Variants in GIT2 observed in about 807,000 individuals in gnomAD.
GIT2 encodes the protein GIT ArfGAP 2.
A neutral mutation model predicts 100.3 loss-of-function variants in GIT2; 32 were observed. That is an observed-to-expected ratio of 0.32 (90% CI 0.24 to 0.43). The LOEUF is 0.43. GIT2 is among the 20% of genes least tolerant of loss of function. GIT2 has a pLI of 1.00. For synonymous variants in GIT2, 353 were observed against 364.1 expected, an observed-to-expected ratio of 0.97 and a Z score of 0.35; for missense variants, 737 against 975.1, an observed-to-expected ratio of 0.76 and a Z score of 3.25.
rs549976321 is a variant in GIT2 at position 109,955,356 on chromosome 12, G to A, written c.1100-2122C>T. Among the ~76,000 whole-genome samples the A allele has an allele frequency of 2.6e-5, 4 of 152,194 alleles. No individual in the cohort carries two copies. The East Asian group carries it at 7.7e-4, about 29-fold the overall frequency. On this transcript the variant is annotated intron_variant, in intron 12 of 19. Transcript: ENST00000355312. ...TTAGCCAGGAAGGTCTCGATCTTCT[G>A]ACCTCGTGATCTGCCCACCTCGGCC...
At chr12:109,983,525 T>G (rs753944624) in intron 5 of GIT2, 22 bp from the exon 6 acceptor site, 3 of 1,611,724 alleles carry the variant, frequency 1.9e-6, no homozygotes, top group Non-Finnish European at 2.5e-6. Flanking sequence ...TAATAAAAAG[T>G]AGGCAAAAGA....
chr12:109,993,159 A>G (rs1188803657), intron 1 of GIT2, among the ~76,000 whole-genome samples: 2 of 152,184 alleles, frequency 1.3e-5, no homozygotes, highest in Admixed American at 6.6e-5. Context: ...CCTTTGAAAC[A>G]AGGAATAATT....
intron 7 of GIT2, among the ~76,000 whole-genome samples, chr12:109,980,172 C>G (rs1304987331): frequency 2.0e-5 from 3 of 152,208 alleles, no homozygotes; most frequent in African/African-American, 4.8e-5. Context: ...TTCCTGGGCT[C>G]AAGTCCCAGT....
At chr12:109,936,336 A>G (rs549612823) in intron 18 of GIT2, among the ~76,000 whole-genome samples, 3 of 152,082 alleles carry the variant, frequency 2.0e-5, no homozygotes, top group East Asian at 1.9e-4. Flanking sequence ...AAGAAAGAAA[A>G]AAAAAAGAAA....
chr12:109,996,207 C>A lies in GIT2; in HGVS notation c.18G>T (p.Arg6=). 3.3e-6 allele frequency: 5 copies of A among 1,533,396 alleles called. No homozygotes were observed. Among genetic ancestry groups the A allele is most frequent in the Non-Finnish European group, 4.4e-6 (5 of 1,140,264 alleles). 95.0% of individuals were successfully genotyped at this position (1,533,396 alleles called of 1,614,324 possible). Residue 6 remains arginine, a synonymous_variant, in exon 1 of 20, where the codon CGG becomes CGT. Transcript: ENST00000355312. MSKRL[R]SSEVCADCSG... ...TGCAGTCAGCGCACACCTCGCTGCT[C>A]CGGAGCCGTTTCGACATGGCTCCCA...
Position 109,986,051 on chromosome 12 carries a change from G to T in GIT2, c.406-2357C>A, listed in dbSNP as rs147233315. ...CTGTCGTTTAGGCTGGAGTGCCGTG[G>T]CATGATCTCAGCTCACTGCAACCTT... On this transcript the variant is annotated intron_variant, in intron 4 of 19. Transcript: ENST00000355312. Among the ~76,000 whole-genome samples the T allele has an allele frequency of 1.4e-3, 206 of 151,466 alleles. 1 individual carries two copies. Among genetic ancestry groups the T allele is most frequent in the African/African-American group, 4.5e-3 (187 of 41,358 alleles).
In GIT2 at chr12:109,991,763, G is replaced by A. The variant is rs1317939299; in HGVS notation, c.53-3C>T. ...ATTTACTGATGCCCAGGAAGGATCT[G>A]GAAAGAGAGTGAAATCTCAGTGGCA... On this transcript the variant is annotated splice_polypyrimidine_tract_variant and splice_region_variant and intron_variant, in intron 1 of 19. Coordinates refer to ENST00000355312, the MANE Select transcript of GIT2 (RefSeq NM_057169.5). 2 of 1,609,982 alleles carry A rather than the reference G, an allele frequency of 1.2e-6. No individual in the cohort carries two copies. The highest frequency in any genetic ancestry group is 1.7e-6 in the Non-Finnish European group (2 of 1,177,920).
intron 13 of GIT2, among the ~76,000 whole-genome samples, chr12:109,951,868 T>C (rs532798422): frequency 1.4e-4 from 21 of 151,782 alleles, no homozygotes; most frequent in African/African-American, 4.6e-4. Flanking sequence ...TGTGAGTGGG[T>C]GAGAGGTGAG....
At position 109,932,913 on chromosome 12, in the gene GIT2, G is replaced by T. The variant is rs990149971; in HGVS notation, c.*65C>A. 9.0e-6 allele frequency: 8 copies of T among 884,406 alleles called. No homozygotes were observed. Among genetic ancestry groups the T allele is most frequent in the Non-Finnish European group, 1.5e-5 (8 of 520,646 alleles). 54.8% of individuals were successfully genotyped at this position (884,406 alleles called of 1,614,324 possible). A position where few individuals can be genotyped will look rare whatever the true frequency, so the allele number is the denominator to read the frequency against. ...TTTTTGTAGAAATCTGAAGAGTTCT[G>T]CGTCTGAATTTGAAATTGGACTTTA... is the stretch of plus-strand genomic sequence containing the variant. On this transcript the variant is annotated 3_prime_UTR_variant, in exon 20 of 20. Transcript: ENST00000355312.
intron 13 of GIT2, chr12:109,952,882 C>A (rs1878304634): frequency 5.1e-6 from 3 of 593,284 alleles, no homozygotes; most frequent in Non-Finnish European, 9.0e-6. Context: ...ATAAAACACA[C>A]CAATCACTCC....
chr12:109,933,122 T>C lies in GIT2; in HGVS notation c.2136A>G (p.Ser712=). 6.2e-7 allele frequency: 1 copy of C among 1,610,486 alleles called. No homozygotes were observed. The highest frequency in any genetic ancestry group is 8.5e-7 in the Non-Finnish European group (1 of 1,177,966). The change falls in exon 20 of 20, where the codon TCA becomes TCG. Residue 712 remains serine (S), a synonymous_variant. Coordinates refer to ENST00000355312, the MANE Select transcript of GIT2 (RefSeq NM_057169.5). This position sits in a 1 kb window ranked among gnomAD's most constrained non-coding sequence, Gnocchi z 4.5. ...LLTSSAYRLQ[S]ECKKTLPGDP... ...CCCCTGGGAGGGTCTTCTTGCACTC[T>C]GACTGCAGTCGGTAGGCACTGGACG...
chr12:109,952,940 A>G (rs769728296), intron 13 of GIT2, 152 bp downstream of exon 13: 2 of 675,784 alleles, frequency 3.0e-6, no homozygotes, highest in Non-Finnish European at 5.0e-6. Flanking sequence ...TGATGCAGGG[A>G]CAAGGATCCC....
chr12:109,972,530 G>A (rs575523401), intron 7 of GIT2, among the ~76,000 whole-genome samples: 7 of 151,434 alleles, frequency 4.6e-5, no homozygotes, highest in Admixed American at 6.6e-5. Context: ...GAGCAATGGC[G>A]CAATCTCAGC....
At position 109,932,956 on chromosome 12, in the gene GIT2, A is replaced by G. The variant is rs1565925951; in HGVS notation, c.*22T>C. On this transcript the variant is annotated 3_prime_UTR_variant, in exon 20 of 20. Transcript: ENST00000355312. ...GGACTTTATAAAGCCTAGAAAACAG[A>G]GGAGGCGGTGCCCTGCCCTTGTCAG... 7.3e-7 allele frequency: 1 copy of G among 1,366,908 alleles called. No individual in the cohort carries two copies. The allele number at this position is 1,366,908 out of a possible 1,614,324, so 84.7% of individuals were successfully genotyped here.
chr12:109,949,094 A>G (rs969222010), intron 14 of GIT2: 2 of 528,992 alleles, frequency 3.8e-6, no homozygotes, highest in Non-Finnish European at 6.6e-6. Flanking sequence ...TTATATCACA[A>G]AGGCTGGCAG....
rs545384035 is a variant in GIT2 at position 109,982,893 on chromosome 12, G to A, written c.623+480C>T. The A allele has an allele frequency of 9.5e-4, 145 of 152,426 alleles. 1 individual carries two copies. The highest frequency in any genetic ancestry group is 3.4e-3 in the Middle Eastern group (1 of 294). 9.4% of individuals were successfully genotyped at this position (152,426 alleles called of 1,614,324 possible). ...ACTTCTGGCCTCAAGTAACCCACCC[G>A]CCTTGGACCCTCAAAGTGCTGGGAT... On this transcript the variant is annotated intron_variant, in intron 6 of 19. Coordinates refer to ENST00000355312, the MANE Select transcript of GIT2 (RefSeq NM_057169.5).
chr12:109,938,343 C>A, intron 18 of GIT2, 37 bp downstream of exon 18: 1 of 1,506,430 alleles, frequency 6.6e-7, no homozygotes, highest in South Asian at 1.2e-5. Flanking sequence ...GCGCATAACT[C>A]ATGCTCTCCC....
chr12:109,973,433 G>A (rs900691038), intron 7 of GIT2, among the ~76,000 whole-genome samples: 17 of 152,134 alleles, frequency 1.1e-4, no homozygotes, highest in Admixed American at 6.5e-5. Context: ...GAGCCATCGC[G>A]CCCGGTCTGC....
At chr12:109,977,990 T>A (rs1885463293) in intron 7 of GIT2, among the ~76,000 whole-genome samples, 1 of 152,144 alleles carries the variant, frequency 6.6e-6, no homozygotes, top group Non-Finnish European at 1.5e-5. Flanking sequence ...TTTTGATGTG[T>A]CTCAACTGTG....
Sources: allele counts gnomAD v4.1 joint callset (sites outside exome capture counted in the v4.1 genomes callset), GRCh38; gene constraint gnomAD v4.1.1; non-coding constraint Gnocchi (gnomAD v3.1); transcripts MANE v1.5; gene names NCBI Gene and HGNC (gene_info 2026-07-23, HGNC 2026-07-21).